Variants in TAMM41 observed in about 807,000 individuals in gnomAD.
TAMM41 encodes phosphatidate cytidylyltransferase, mitochondrial.
Under a neutral mutation model 44.1 loss-of-function variants are expected in TAMM41, and 36 were observed. That is an observed-to-expected ratio of 0.82 (90% confidence interval 0.63 to 1.08). The LOEUF is 1.08. Ranked by LOEUF, TAMM41 falls within the 50% of genes least tolerant of loss-of-function variation. The pLI is 0.00. For synonymous variants in TAMM41, 164 were observed against 153.1 expected (o/e 1.07, Z -0.53); for missense variants, 417 against 404.3 (o/e 1.03, Z -0.27).
chr3:11,780,955 C>A, the TAMM41 span, among the ~76,000 whole-genome samples: 1 of 152,098 alleles, frequency 6.6e-6, no homozygotes, highest in Non-Finnish European at 1.5e-5. Context: ...TGGATTTTAT[C>A]TTCTCTATTT....
chr3:11,830,369 C>T (rs577096377), intron 3 of TAMM41, among the ~76,000 whole-genome samples: 8 of 152,162 alleles, frequency 5.3e-5, no homozygotes, highest in East Asian at 1.9e-4. Context: ...AGAAAAAGAA[C>T]GGGTTTTAGA....
chr3:11,834,907 C>T (rs755900508), intron 3 of TAMM41, among the ~76,000 whole-genome samples: 4 of 152,084 alleles, frequency 2.6e-5, no homozygotes, highest in Admixed American at 6.6e-5. Context: ...AGGCTGGTCT[C>T]GAACTCCTGA....
intron 7 of TAMM41, among the ~76,000 whole-genome samples, chr3:11,798,457 C>T (rs73132956): frequency 0.17 from 25,463 of 151,976 alleles, 4,826 homozygotes; most frequent in East Asian, 0.48. Context: ...TGAGAACACA[C>T]AGGACACATA....
intron 6 of TAMM41, 114 bp from the exon 7 acceptor site, chr3:11,808,009 C>A: frequency 7.0e-7 from 1 of 1,435,338 alleles, no homozygotes; most frequent in Non-Finnish European, 9.1e-7. Context: ...ATCAAACCAC[C>A]AAATCTATCT....
At chr3:11,804,450 C>T (rs1304441661) in intron 7 of TAMM41, among the ~76,000 whole-genome samples, 2 of 152,160 alleles carry the variant, frequency 1.3e-5, no homozygotes, top group Non-Finnish European at 2.9e-5. Flanking sequence ...ATCATTGCAT[C>T]TGGAATTATT....
intron 7 of TAMM41, among the ~76,000 whole-genome samples, chr3:11,804,462 T>C (rs1230334235): frequency 6.6e-6 from 1 of 152,230 alleles, no homozygotes; most frequent in African/African-American, 2.4e-5. Flanking sequence ...GGAATTATTT[T>C]AGTATGCATC....
the TAMM41 span, among the ~76,000 whole-genome samples, chr3:11,748,036 G>C: frequency 6.6e-6 from 1 of 151,158 alleles, no homozygotes; most frequent in Admixed American, 6.6e-5. Flanking sequence ...CACTACACCT[G>C]GCTAATTTTT....
At chr3:11,798,569 A>T (rs2077668137) in intron 7 of TAMM41, among the ~76,000 whole-genome samples, 1 of 152,188 alleles carries the variant, frequency 6.6e-6, no homozygotes, top group South Asian at 2.1e-4. Context: ...CTTAATAAAT[A>T]GGTGACAAAA....
the TAMM41 span, among the ~76,000 whole-genome samples, chr3:11,724,038 T>C: frequency 6.6e-6 from 1 of 152,028 alleles, no homozygotes; most frequent in African/African-American, 2.4e-5. Flanking sequence ...CTCTTACATG[T>C]TTGGATTGTT....
In TAMM41 at chr3:11,846,688, G is replaced by A. The variant is rs754272305; in HGVS notation, c.-52C>T. 6.2e-6 allele frequency: 10 copies of A among 1,612,014 alleles called. No homozygotes were observed. The highest frequency in any genetic ancestry group is 3.3e-5 in the South Asian group (3 of 90,960). Reference sequence around the variant, plus strand: ...AGCGCAGCAGGGCGAGGACAACCGGGCGGGGAACAGACACCGGGTAGGCGG... The same window carrying A: ...AGCGCAGCAGGGCGAGGACAACCGGACGGGGAACAGACACCGGGTAGGCGG... On this transcript the variant is annotated 5_prime_UTR_variant, in exon 1 of 8. Coordinates refer to ENST00000455809, the MANE Select transcript of TAMM41 (RefSeq NM_001284401.2).
chr3:11,788,903 T>C (rs2047434), downstream of TAMM41, among the ~76,000 whole-genome samples: 68,179 of 151,490 alleles, frequency 0.45, 15,891 homozygotes, highest in East Asian at 0.65. Flanking sequence ...TGCCACTGCA[T>C]TCCAGCCTGG....
chr3:11,840,104 C>T (rs1376843703), intron 2 of TAMM41, among the ~76,000 whole-genome samples: 1 of 152,142 alleles, frequency 6.6e-6, no homozygotes. Flanking sequence ...ATCAGCAGCA[C>T]CCATTCCCTA....
chr3:11,733,012 G>GT, the TAMM41 span, among the ~76,000 whole-genome samples: 1 of 138,866 alleles, frequency 7.2e-6, no homozygotes, highest in Non-Finnish European at 1.5e-5. Flanking sequence ...TTGTTTGTTT[G>GT]TTTTGAGATG....
intron 4 of TAMM41, among the ~76,000 whole-genome samples, chr3:11,822,480 C>T (rs1358517299): frequency 1.3e-5 from 2 of 152,148 alleles, no homozygotes; most frequent in African/African-American, 2.4e-5. Context: ...ATTCCCCATC[C>T]CCAGCCTGAA....
the TAMM41 span, among the ~76,000 whole-genome samples, chr3:11,776,952 C>A: frequency 6.6e-6 from 1 of 152,172 alleles, no homozygotes; most frequent in Non-Finnish European, 1.5e-5. Context: ...CTGAAAGCAT[C>A]AAACTCATAA....
the TAMM41 span, among the ~76,000 whole-genome samples, chr3:11,722,786 T>C: frequency 6.6e-6 from 1 of 152,064 alleles, no homozygotes; most frequent in South Asian, 2.1e-4. Context: ...CTGGCCAACA[T>C]GGTGAAACCC....
the TAMM41 span, among the ~76,000 whole-genome samples, chr3:11,733,736 G>A: frequency 6.6e-6 from 1 of 151,844 alleles, no homozygotes; most frequent in East Asian, 1.9e-4. Context: ...ACCTCGTGAT[G>A]CATCCGCCTC....
At chr3:11,805,490 T>A (rs2077881708) in intron 7 of TAMM41, among the ~76,000 whole-genome samples, 1 of 152,120 alleles carries the variant, frequency 6.6e-6, no homozygotes, top group Non-Finnish European at 1.5e-5. Flanking sequence ...CAGACTGGTC[T>A]TGAACTCTTG....
chr3:11,785,858 A>G (rs540313069), downstream of TAMM41, among the ~76,000 whole-genome samples: 248 of 152,058 alleles, frequency 1.6e-3, 1 homozygote, highest in African/African-American at 5.4e-3. Context: ...AGCTCAAGCA[A>G]TCCACCCACC....
Sources: gnomAD v4.1 joint callset for allele counts (sites outside exome capture counted in the v4.1 genomes callset) on GRCh38, gnomAD v4.1.1 for gene constraint, MANE v1.5 for transcripts, NCBI Gene and HGNC (gene_info 2026-07-23, HGNC 2026-07-21) for gene names.